ATP7A: variants seen among roughly 807,000 people sequenced by gnomAD.
ATP7A encodes the protein copper-transporting ATPase 1.
In ATP7A, 7 loss-of-function variants were observed where a neutral mutation model predicts 83.5. The observed-to-expected ratio is 0.08, with a 90% CI of 0.05 to 0.16. ATP7A has a LOEUF of 0.16. ATP7A is among the 10% of genes least tolerant of loss of function. The pLI is 1.00. For synonymous variants in ATP7A, 354 were observed against 395.2 expected (o/e 0.90, Z 1.24); for missense variants, 940 against 1,120.8 (o/e 0.84, Z 2.30).
chrX:77,948,309 T>C (rs191869810), intron 1 of ATP7A, among the ~76,000 whole-genome samples: 30 of 109,249 alleles, frequency 2.7e-4, no homozygotes, highest in Admixed American at 1.8e-3. Context: ...TTTGTATTTT[T>C]AGTAGACGGG....
At chrX:78,044,780 C>T (rs782042246) in intron 21 of ATP7A, among the ~76,000 whole-genome samples, 2 of 111,513 alleles carry the variant, frequency 1.8e-5, no homozygotes, top group African/African-American at 6.5e-5. Flanking sequence ...GTAATGATGA[C>T]ATAAAAGAAA....
chrX:77,957,771 T>G (rs1156656355), intron 1 of ATP7A, among the ~76,000 whole-genome samples: 1 of 111,554 alleles, frequency 9.0e-6, no homozygotes, highest in African/African-American at 3.3e-5. Context: ...TTTCAGATTT[T>G]ATATTTAAGC....
chrX:78,039,479 C>T (rs964850441), intron 18 of ATP7A, among the ~76,000 whole-genome samples: 1 of 110,380 alleles, frequency 9.1e-6, no homozygotes, highest in Non-Finnish European at 1.9e-5. Context: ...ATTACAGGCG[C>T]GCACCACCAT....
chrX:77,954,908 TTTCTC>T (rs2077432638), intron 1 of ATP7A, among the ~76,000 whole-genome samples: 1 of 111,750 alleles, frequency 8.9e-6, no homozygotes, highest in Non-Finnish European at 1.9e-5. Flanking sequence ...TTCAGTAACT[TTTCTC>T]TTAATTTCTA....
chrX:77,921,409 A>C (rs782694362), intron 1 of ATP7A, among the ~76,000 whole-genome samples: 1 of 112,243 alleles, frequency 8.9e-6, no homozygotes, highest in African/African-American at 3.2e-5. Context: ...GCCTTTTAAA[A>C]TTATGGCATA....
Position 77,921,724 on chromosome X carries a change from G to A in ATP7A, c.-22+10889G>A, listed in dbSNP as rs201871026. Among the ~76,000 whole-genome samples the A allele has an allele frequency of 1.3e-4, 14 of 110,802 alleles. No homozygotes were observed. In the East Asian group the frequency reaches 4.0e-3, roughly 31 times the overall value. On this transcript the variant is annotated intron_variant, in intron 1 of 22. Coordinates refer to ENST00000341514, the MANE Select transcript of ATP7A (RefSeq NM_000052.7). ...TTGACACCAGCCTGGCCAACATGGT[G>A]AAACCCTGTCTCTACTAAAAAATAG...
Position 77,958,335 on chromosome X carries a change from G to A in ATP7A, c.-21-13286G>A, listed in dbSNP as rs142116770. ...TTTCTTTATAAATTGCCCAGTCTCA[G>A]GTATTTCCTTATAGTGATGCAAAAA... On this transcript the variant is annotated intron_variant, in intron 1 of 22. Transcript: ENST00000341514. Among the ~76,000 whole-genome samples, 4 of 111,398 alleles carry A rather than the reference G, an allele frequency of 3.6e-5. No homozygotes were observed. The East Asian group carries it at 1.1e-3, about 31-fold the overall frequency.
Position 78,049,897 on chromosome X carries a change from G to A in ATP7A, c.*3327G>A. On this transcript the variant is annotated 3_prime_UTR_variant, in exon 23 of 23. Transcript: ENST00000341514. ...CCATTTTGTTTTTTTCTCTGGGTGA[G>A]GCATCTGGTTACTGGTTATTTTAAA... The A allele has an allele frequency of 9.0e-6, 1 of 111,235 alleles. No homozygotes were observed. Among genetic ancestry groups the A allele is most frequent in the Non-Finnish European group, 1.9e-5 (1 of 52,891 alleles). The allele number at this position is 111,235 out of a possible 1,213,427, so 9.2% of individuals were successfully genotyped here.
rs782768766 is a variant in ATP7A at position 78,014,720 on chromosome X, T to C, written c.2465T>C (p.Ile822Thr). 32 of 1,203,723 alleles carry C rather than the reference T, an allele frequency of 2.7e-5. No individual in the cohort carries two copies. In the South Asian group the frequency reaches 5.3e-4, roughly 20 times the overall value. ...LISLQATEAT[I>T]VTLDSDNILL... ...TCACTACAAGCTACAGAAGCAACTA[T>C]TGTAACTCTTGATTCTGATAATATC... Residue 822 changes from isoleucine to threonine, a missense_variant, in exon 11 of 23, where the codon ATT (isoleucine) becomes ACT (threonine). Ile to Thr is a moderately conservative substitution (Grantham distance 89, BLOSUM62 -1). Around this residue, in one of 3 missense-constraint regions of ATP7A, gnomAD observed 204 missense variants for 185.8 expected, o/e 1.10. Transcript: ENST00000341514.
intron 1 of ATP7A, among the ~76,000 whole-genome samples, chrX:77,944,168 A>G (rs981997917): frequency 8.9e-6 from 1 of 112,583 alleles, no homozygotes; most frequent in Admixed American, 9.4e-5. Context: ...TAAATTTCTC[A>G]AATTTGTGTT....
In ATP7A at chrX:78,011,481, T is replaced by C. The variant is rs920452357; in HGVS notation, c.1979T>C (p.Phe660Ser). Residue 660 changes from phenylalanine to serine, a missense_variant, in exon 9 of 23, where the codon TTC (phenylalanine) becomes TCC (serine). Phe to Ser is a radical substitution (Grantham distance 155). Transcript: ENST00000341514. ...WRRSFLVSLFFCIPVMGLMIY... is the reference protein window; with the variant it reads ...WRRSFLVSLFSCIPVMGLMIY... ...CGGTCTTTTCTTGTGAGTCTGTTTT[T>C]CTGTATTCCTGTAATGGGGCTGATG... The C allele has an allele frequency of 1.7e-6, 2 of 1,211,056 alleles. No homozygotes were observed. The highest frequency in any genetic ancestry group is 2.2e-6 in the Non-Finnish European group (2 of 895,168).
intron 14 of ATP7A, among the ~76,000 whole-genome samples, chrX:78,023,461 CTGTTA>C (rs1603387898): frequency 1.0e-5 from 1 of 98,697 alleles, no homozygotes; most frequent in Non-Finnish European, 2.0e-5. Context: ...TTGCCAACAT[CTGTTA>C]TTTTTTGATT....
chrX:77,989,254 C>T lies in ATP7A; in HGVS notation c.632C>T (p.Ala211Val). 1 of 1,205,480 alleles carries T rather than the reference C, an allele frequency of 8.3e-7. No homozygotes were observed. Among genetic ancestry groups the T allele is most frequent in the East Asian group, 3.0e-5 (1 of 33,766 alleles). The change falls in exon 4 of 23, where the codon GCT becomes GTT. Residue 211 changes from alanine to valine, a missense_variant. This residue lies in a region of ATP7A where 350 missense variants were observed against 432.8 expected (regional missense o/e 0.81). Transcript: ENST00000341514. ...CTAGTCTCCCTGGACAATCAAGAAG[C>T]TACTATTGTTTATCAACCTCATCTT... The part of the protein sequence containing the change: ...RIKVSLDNQE[A>V]TIVYQPHLIS...
At chrX:77,943,839 T>C (rs782798698) in intron 1 of ATP7A, among the ~76,000 whole-genome samples, 7 of 111,966 alleles carry the variant, frequency 6.3e-5, no homozygotes, top group Admixed American at 9.5e-5. Flanking sequence ...ATCTATTCCC[T>C]AATTGATAGG....
chrX:77,980,149 T>C (rs1271361515), intron 2 of ATP7A, among the ~76,000 whole-genome samples: 1 of 112,236 alleles, frequency 8.9e-6, no homozygotes, highest in Non-Finnish European at 1.9e-5. Context: ...TTTGAGTGCT[T>C]TTCCTTTTTA....
At chrX:77,931,117 A>C (rs1275510895) in intron 1 of ATP7A, among the ~76,000 whole-genome samples, 1 of 107,543 alleles carries the variant, frequency 9.3e-6, no homozygotes, top group African/African-American at 3.4e-5. Context: ...CAGATAAGCA[A>C]GTGAACAAAG....
At chrX:77,928,682 T>C (rs1294931168) in intron 1 of ATP7A, among the ~76,000 whole-genome samples, 2 of 112,171 alleles carry the variant, frequency 1.8e-5, no homozygotes, top group Non-Finnish European at 3.8e-5. Context: ...TCCTAAGAAA[T>C]GGACCTTTGA....
chrX:77,931,276 T>A (rs1557224175), intron 1 of ATP7A, among the ~76,000 whole-genome samples: 1 of 110,015 alleles, frequency 9.1e-6, no homozygotes, highest in Non-Finnish European at 1.9e-5. Context: ...CCGCCCTTAA[T>A]CCATTCAACT....
chrX:78,026,671 G>T (rs2077945659), intron 14 of ATP7A, among the ~76,000 whole-genome samples: 2 of 111,444 alleles, frequency 1.8e-5, no homozygotes, highest in Non-Finnish European at 3.8e-5. Flanking sequence ...CCCTAACATT[G>T]ATCATCGGCT....
Sources: allele counts gnomAD v4.1 joint callset (sites outside exome capture counted in the v4.1 genomes callset), GRCh38; gene constraint gnomAD v4.1.1; regional missense constraint gnomAD v4.1.1; transcripts MANE v1.5; gene names NCBI Gene and HGNC (gene_info 2026-07-23, HGNC 2026-07-21).